Variants in AGBL1 observed in about 807,000 individuals in gnomAD.
The protein encoded by AGBL1 is AGBL carboxypeptidase 1, also known as cytosolic carboxypeptidase 4.
AGBL1 carries 130 observed loss-of-function variants against 118.9 expected under a neutral mutation model. The ratio of observed to expected loss-of-function variants is 1.09; its 90% CI spans 0.95 to 1.26. The LOEUF (loss-of-function observed/expected upper bound fraction) is 1.26. AGBL1 is among the 50% of genes most tolerant of loss of function. AGBL1 has a pLI of 0.00. For synonymous variants in AGBL1, 555 were observed against 478.9 expected (o/e 1.16, Z -2.08); for missense variants, 1,584 against 1,298.1 (o/e 1.22, Z -3.38).
intron 5 of AGBL1, among the ~76,000 whole-genome samples, chr15:86,176,867 T>G (rs1253960456): frequency 2.6e-5 from 4 of 152,132 alleles, no homozygotes; most frequent in Admixed American, 2.6e-4. Context: ...CAGGAGTCTG[T>G]GGGAATGTGG....
intron 21 of AGBL1, among the ~76,000 whole-genome samples, chr15:86,559,117 C>G (rs935438237): frequency 6.6e-6 from 1 of 152,152 alleles, no homozygotes; most frequent in Non-Finnish European, 1.5e-5. Context: ...ACCTGTGAAC[C>G]TCTATCTCTG....
chr15:86,521,560 G>C (rs1027488097), intron 18 of AGBL1, among the ~76,000 whole-genome samples: 1 of 152,154 alleles, frequency 6.6e-6, no homozygotes, highest in Non-Finnish European at 1.5e-5. Context: ...ATAGGAGATA[G>C]ATGCAATGGC....
intron 22 of AGBL1, among the ~76,000 whole-genome samples, chr15:86,792,129 C>T (rs2078503019): frequency 6.6e-6 from 1 of 152,104 alleles, no homozygotes; most frequent in South Asian, 2.1e-4. Context: ...CTCCAGTGCC[C>T]ACACTTATTC....
intron 22 of AGBL1, among the ~76,000 whole-genome samples, chr15:86,812,338 C>A (rs1459049748): frequency 1.3e-5 from 2 of 152,166 alleles, no homozygotes; most frequent in African/African-American, 4.8e-5. Context: ...CTATGGACTA[C>A]AATTTACTTT....
chr15:86,253,626 T>G (rs1771577336), intron 7 of AGBL1, among the ~76,000 whole-genome samples: 1 of 152,136 alleles, frequency 6.6e-6, no homozygotes. Flanking sequence ...CACATAGAAC[T>G]TCCTAGGGCA....
chr15:86,827,432 C>G (rs7166806), intron 22 of AGBL1, among the ~76,000 whole-genome samples: 1 of 7,460 alleles, frequency 1.3e-4, no homozygotes, highest in African/African-American at 5.5e-4. Flanking sequence ...TATATATACA[C>G]ATATATATAT....
At chr15:86,394,332 A>G (rs1024019313) in intron 17 of AGBL1, among the ~76,000 whole-genome samples, 2 of 152,036 alleles carry the variant, frequency 1.3e-5, no homozygotes, top group African/African-American at 4.8e-5. Flanking sequence ...AAAATGCATC[A>G]TCTCCCTTTT....
intron 23 of AGBL1, among the ~76,000 whole-genome samples, chr15:86,942,513 C>T (rs568219603): frequency 1.2e-4 from 18 of 152,308 alleles, no homozygotes; most frequent in African/African-American, 4.3e-4. Context: ...TGGACTCTCA[C>T]TCAGTTCCAG....
intron 8 of AGBL1, 49 bp downstream of exon 8, chr15:86,257,067 G>T: frequency 6.4e-7 from 1 of 1,560,428 alleles, no homozygotes; most frequent in South Asian, 1.2e-5. Flanking sequence ...TTTGCATTTT[G>T]ACCATGTTTC....
At chr15:86,953,772 G>T (rs2080903191) in intron 23 of AGBL1, among the ~76,000 whole-genome samples, 1 of 152,154 alleles carries the variant, frequency 6.6e-6, no homozygotes, top group Non-Finnish European at 1.5e-5. Context: ...CACTGATTTT[G>T]TATCTGGAAA....
intron 17 of AGBL1, among the ~76,000 whole-genome samples, chr15:86,354,730 G>C (rs1401579930): frequency 2.6e-5 from 4 of 152,102 alleles, no homozygotes; most frequent in Non-Finnish European, 4.4e-5. Flanking sequence ...CTGTGAATGG[G>C]TTACTTTACA....
intron 18 of AGBL1, among the ~76,000 whole-genome samples, chr15:86,414,904 T>G (rs186791894): frequency 6.6e-6 from 1 of 152,284 alleles, no homozygotes; most frequent in East Asian, 1.9e-4. Context: ...CTGTGTGACC[T>G]TGGACAAGAA....
intron 21 of AGBL1, among the ~76,000 whole-genome samples, chr15:86,654,083 T>C (rs187659261): frequency 1.3e-5 from 2 of 152,272 alleles, no homozygotes; most frequent in East Asian, 3.9e-4. Flanking sequence ...CTGCAGAGTT[T>C]CACTGATAAT....
intron 24 of AGBL1, among the ~76,000 whole-genome samples, chr15:86,991,676 G>A (rs192968434): frequency 1.1e-4 from 17 of 152,246 alleles, no homozygotes; most frequent in Admixed American, 1.0e-3. Flanking sequence ...GTTTTACACA[G>A]GTAGAGAGGG....
At chr15:86,759,857 A>G (rs759432493) in intron 22 of AGBL1, among the ~76,000 whole-genome samples, 11 of 152,054 alleles carry the variant, frequency 7.2e-5, no homozygotes, top group Non-Finnish European at 1.2e-4. Flanking sequence ...AATCACAAAC[A>G]CTCCCACATT....
chr15:86,812,682 C>G (rs115445289), intron 22 of AGBL1, among the ~76,000 whole-genome samples: 1 of 152,154 alleles, frequency 6.6e-6, no homozygotes, highest in African/African-American at 2.4e-5. Context: ...ACACAGATCC[C>G]CCTGCCTTGC....
intron 23 of AGBL1, among the ~76,000 whole-genome samples, chr15:86,949,439 G>A (rs1488338265): frequency 6.6e-6 from 1 of 151,992 alleles, no homozygotes; most frequent in African/African-American, 2.4e-5. Flanking sequence ...GAAGGCCACT[G>A]TTAAGACATA....
chr15:86,643,547 T>C (rs984258933), intron 21 of AGBL1, among the ~76,000 whole-genome samples: 7 of 152,172 alleles, frequency 4.6e-5, no homozygotes, highest in African/African-American at 1.7e-4. Context: ...TTTTTCTTAA[T>C]TAGATTTATA....
chr15:86,453,838 G>A (rs1596134391), intron 18 of AGBL1, among the ~76,000 whole-genome samples: 2 of 152,160 alleles, frequency 1.3e-5, no homozygotes, highest in African/African-American at 2.4e-5. Flanking sequence ...ATTTTGTTGT[G>A]TGTAGTATTT....
Sources: gnomAD v4.1 joint callset for allele counts (sites outside exome capture counted in the v4.1 genomes callset) on GRCh38, gnomAD v4.1.1 for gene constraint, MANE v1.5 for transcripts, NCBI Gene and HGNC (gene_info 2026-07-23, HGNC 2026-07-21) for gene names.